Variants in EDEM3 observed in about 807,000 individuals in gnomAD.
EDEM3 encodes the protein ER degradation enhancing alpha-mannosidase like protein 3.
A neutral mutation model predicts 110.2 loss-of-function variants in EDEM3; 60 were observed. That is an observed-to-expected ratio of 0.54 (90% CI 0.44 to 0.67). The LOEUF (loss-of-function observed/expected upper bound fraction) is 0.67. Among genes scored for constraint, EDEM3 ranks in the 30% least tolerant of loss-of-function variants. The probability of loss-of-function intolerance (pLI) is 0.00; values close to 1 mark genes in which losing one functional copy is unlikely to be tolerated. For missense variants in EDEM3, 996 were observed against 1,121.0 expected, an observed-to-expected ratio of 0.89 and a Z score of 1.59; for synonymous variants, 352 against 382.9, an observed-to-expected ratio of 0.92 and a Z score of 0.94.
At position 184,750,537 on chromosome 1, in the gene EDEM3, G is replaced by A. The variant is rs181864088; in HGVS notation, c.159-945C>T. On this transcript the variant is annotated intron_variant, in intron 1 of 19. Coordinates refer to ENST00000318130, the MANE Select transcript of EDEM3 (RefSeq NM_025191.4). ...CTTTTTCTTTTTTTTTTGAGACAGGGTCTCACTCTGTCACACCTAGGCTAG... is the reference window on the plus strand; with the variant it reads ...CTTTTTCTTTTTTTTTTGAGACAGGATCTCACTCTGTCACACCTAGGCTAG... 1.2e-3 allele frequency among the ~76,000 whole-genome samples: 163 copies of A among 132,016 alleles called. 1 individual carries two copies. The highest frequency in any genetic ancestry group is 4.2e-3 in the African/African-American group (162 of 38,672). The allele number at this position is 132,016 out of a possible 152,430, so 86.6% of individuals were successfully genotyped here. A position where few individuals can be genotyped will look rare whatever the true frequency, so the allele number is the denominator to read the frequency against.
chr1:184,704,678 A>AAAAAAAAAAAG (rs1649818227), intron 18 of EDEM3, among the ~76,000 whole-genome samples: 1 of 148,852 alleles, frequency 6.7e-6, no homozygotes, highest in Admixed American at 6.7e-5. Context: ...AAAAAAAAAA[A>AAAAAAAAAAAG]AATTTCTGAG....
At chr1:184,742,065 T>C (rs1652174682) in intron 2 of EDEM3, among the ~76,000 whole-genome samples, 1 of 152,148 alleles carries the variant, frequency 6.6e-6, no homozygotes, top group East Asian at 1.9e-4. Context: ...TGCCTCTCAG[T>C]CAACTTATTT....
In EDEM3 at chr1:184,706,823, A is replaced by G. The variant is rs1649957779; in HGVS notation, c.2038-15T>C. The G allele has an allele frequency of 1.2e-6, 2 of 1,611,536 alleles. No homozygotes were observed. The highest frequency in any genetic ancestry group is 2.2e-5 in the South Asian group (2 of 90,744). ...AATCCTCTTGTCTGTCAGAAATAAA[A>G]GCAACTTAAATACTTTAATCTTCTC... On this transcript the variant is annotated splice_polypyrimidine_tract_variant and intron_variant, in intron 17 of 19. Coordinates refer to ENST00000318130, the MANE Select transcript of EDEM3 (RefSeq NM_025191.4).
Position 184,754,717 on chromosome 1 carries a change from C to G in EDEM3, c.-71G>C. 1 of 1,445,254 alleles carries G rather than the reference C, an allele frequency of 6.9e-7. No individual in the cohort carries two copies. The highest frequency in any genetic ancestry group is 1.4e-5 in the South Asian group (1 of 69,130). 89.5% of individuals were successfully genotyped at this position (1,445,254 alleles called of 1,614,324 possible). A position where few individuals can be genotyped will look rare whatever the true frequency, so the allele number is the denominator to read the frequency against. On this transcript the variant is annotated 5_prime_UTR_variant, in exon 1 of 20. Coordinates refer to ENST00000318130, the MANE Select transcript of EDEM3 (RefSeq NM_025191.4). Reference sequence around the variant, plus strand: ...AGACACATTGCTGGACGCTGGTGGCCAGGGGGCTGCTAGCCGTGCCGAGAC... The same window carrying G: ...AGACACATTGCTGGACGCTGGTGGCGAGGGGGCTGCTAGCCGTGCCGAGAC...
chr1:184,730,552 A>C (rs1651453638), intron 6 of EDEM3, among the ~76,000 whole-genome samples: 1 of 152,214 alleles, frequency 6.6e-6, no homozygotes, highest in Admixed American at 6.5e-5. Flanking sequence ...ACACTACTGA[A>C]CTCCAGCCTG....
In EDEM3 at chr1:184,737,804, T is replaced by G. The variant is rs1051095311; in HGVS notation, c.205-93A>C. The G allele has an allele frequency of 4.4e-5, 48 of 1,087,908 alleles. No homozygotes were observed. The Admixed American group carries it at 1.0e-3, about 24-fold the overall frequency. 67.4% of individuals were successfully genotyped at this position (1,087,908 alleles called of 1,614,324 possible). A position where few individuals can be genotyped will look rare whatever the true frequency, so the allele number is the denominator to read the frequency against. On this transcript the variant is annotated intron_variant, in intron 2 of 19. Transcript: ENST00000318130. The stretch of plus-strand genomic sequence containing the variant: ...ACTTTTTCACAGTTAAAAAATAAAA[T>G]AATAGTCAAAAGTTGTACTAAATTT...
chr1:184,714,860 C>G (rs12758976), intron 13 of EDEM3, among the ~76,000 whole-genome samples: 1 of 152,130 alleles, frequency 6.6e-6, no homozygotes, highest in Non-Finnish European at 1.5e-5. Flanking sequence ...TGTCAGCAGA[C>G]CATACAGTTA....
intron 16 of EDEM3, 81 bp from the exon 17 acceptor site, chr1:184,708,425 G>T: frequency 1.4e-6 from 2 of 1,426,006 alleles, no homozygotes; most frequent in East Asian, 2.4e-5. Flanking sequence ...ACACTGTACT[G>T]TAGTATTCTA....
intron 9 of EDEM3, chr1:184,720,419 G>C (rs548899002): frequency 8.6e-5 from 13 of 150,908 alleles, no homozygotes; most frequent in Admixed American, 7.9e-4. Context: ...CTGTAGATGA[G>C]AAACAGAGGC....
chr1:184,724,166 T>C lies in EDEM3; in HGVS notation c.748-310A>G, dbSNP rs927013706. 2.0e-5 allele frequency among the ~76,000 whole-genome samples: 3 copies of C among 152,076 alleles called. No homozygotes were observed. The East Asian group carries it at 5.8e-4, about 29-fold the overall frequency. On this transcript the variant is annotated intron_variant, in intron 7 of 19. Transcript: ENST00000318130. ...CATCTACTCTTGTAGCACAAGTTCATATTCACACACATGTATTATTAAATT... is the reference window on the plus strand; with the variant it reads ...CATCTACTCTTGTAGCACAAGTTCACATTCACACACATGTATTATTAAATT...
At chr1:184,711,282 TACAG>T (rs537601727) in intron 15 of EDEM3, among the ~76,000 whole-genome samples, 3 of 152,108 alleles carry the variant, frequency 2.0e-5, no homozygotes, top group Non-Finnish European at 4.4e-5. Flanking sequence ...GTATTTTTAG[TACAG>T]ACAGAGTTTC....
chr1:184,700,575 T>C (rs935275288), intron 19 of EDEM3, among the ~76,000 whole-genome samples: 4 of 151,946 alleles, frequency 2.6e-5, no homozygotes, highest in African/African-American at 9.7e-5. Context: ...GATGTTTGTT[T>C]GAAGTTTCAG....
At chr1:184,726,665 T>C (rs1277160851) in intron 6 of EDEM3, among the ~76,000 whole-genome samples, 2 of 152,222 alleles carry the variant, frequency 1.3e-5, no homozygotes, top group African/African-American at 4.8e-5. Context: ...ACAAGTGACA[T>C]GATTATAATC....
In EDEM3 at chr1:184,708,291, A is replaced by T. The variant is rs1442608625; in HGVS notation, c.1899T>A (p.Ile633=). Residue 633 remains isoleucine (I), a synonymous_variant, in exon 17 of 20, where the codon ATT becomes ATA. Coordinates refer to ENST00000318130, the MANE Select transcript of EDEM3 (RefSeq NM_025191.4). The part of the protein sequence containing the change: ...EDGLRFMQEM[I]ELSSQQQKEQ... ...CTTTTTGTTGCTGACTTGACAATTC[A>T]ATCATCTCCTGCATGAACCTCAACC... The T allele has an allele frequency of 2.5e-6, 4 of 1,613,332 alleles. No homozygotes were observed. The African/African-American group carries it at 5.3e-5, about 22-fold the overall frequency.
chr1:184,710,590 T>G (rs761514893), intron 15 of EDEM3, 43 bp from the exon 16 acceptor site: 1 of 1,535,730 alleles, frequency 6.5e-7, no homozygotes, highest in South Asian at 1.3e-5. Flanking sequence ...AACTATAAAT[T>G]AGAATTGGCA....
chr1:184,726,484 G>T, intron 6 of EDEM3, 95 bp from the exon 7 acceptor site: 1 of 1,322,298 alleles, frequency 7.6e-7, no homozygotes, highest in Non-Finnish European at 1.0e-6. Context: ...ATAAAATCAT[G>T]AAAATAATTC....
intron 1 of EDEM3, among the ~76,000 whole-genome samples, chr1:184,753,445 T>C (rs1247869004): frequency 6.6e-6 from 1 of 151,906 alleles, no homozygotes; most frequent in Non-Finnish European, 1.5e-5. Flanking sequence ...TTCGCTCTTG[T>C]TGCCCAGGCT....
intron 14 of EDEM3, 127 bp from the exon 15 acceptor site, chr1:184,712,004 G>T: frequency 3.0e-6 from 2 of 668,880 alleles, no homozygotes; most frequent in Non-Finnish European, 4.7e-6. Context: ...TCTGCTCACT[G>T]TAAGCTCCAT....
intron 2 of EDEM3, among the ~76,000 whole-genome samples, chr1:184,744,040 T>C (rs1652283191): frequency 6.6e-6 from 1 of 151,464 alleles, no homozygotes; most frequent in Non-Finnish European, 1.5e-5. Context: ...ATTTTTTAGG[T>C]AGGCTATAAA....
Sources: allele counts gnomAD v4.1 joint callset (sites outside exome capture counted in the v4.1 genomes callset), GRCh38; gene constraint gnomAD v4.1.1; transcripts MANE v1.5; gene names NCBI Gene and HGNC (gene_info 2026-07-23, HGNC 2026-07-21).